LRRC8E: variants seen among roughly 807,000 people sequenced by gnomAD.
The protein encoded by LRRC8E is volume-regulated anion channel subunit LRRC8E.
A neutral mutation model predicts 6.1 loss-of-function variants in LRRC8E; 6 were observed. The ratio of observed to expected loss-of-function variants is 0.98; its 90% CI spans 0.54 to 1.93. LRRC8E has a LOEUF of 1.93. LRRC8E is among the 30% of genes most tolerant of loss of function. LRRC8E has a pLI of 0.01. For missense variants in LRRC8E, 1,028 were observed against 1,031.4 expected, an observed-to-expected ratio of 1.00 and a Z score of 0.04; for synonymous variants, 485 against 472.8, an observed-to-expected ratio of 1.03 and a Z score of -0.33.
Position 7,895,507 on chromosome 19 carries a change from C to T in LRRC8E, c.-5-92C>T, listed in dbSNP as rs772817390. 1.3e-6 allele frequency: 2 copies of T among 1,508,666 alleles called. No individual in the cohort carries two copies. The highest frequency in any genetic ancestry group is 1.8e-6 in the Non-Finnish European group (2 of 1,100,180). 93.5% of individuals were successfully genotyped at this position (1,508,666 alleles called of 1,614,324 possible). ...AAGTTTGGGCAGGGAGGGTCACAGGCCTGCCTGTGTCCGGCTCCTCGGAGG... is the reference window on the plus strand; with the variant it reads ...AAGTTTGGGCAGGGAGGGTCACAGGTCTGCCTGTGTCCGGCTCCTCGGAGG... On this transcript the variant is annotated intron_variant, in intron 1 of 2. Transcript: ENST00000306708. This position sits in a 1 kb window ranked among gnomAD's most constrained non-coding sequence, Gnocchi z 4.7.
intron 1 of LRRC8E, among the ~76,000 whole-genome samples, chr19:7,889,813 G>A (rs1170996432): frequency 4.7e-5 from 7 of 149,332 alleles, no homozygotes; most frequent in Non-Finnish European, 7.4e-5. Context: ...GCAGTGGCAC[G>A]ATCTTGGCTC....
Position 7,899,096 on chromosome 19 carries a change from G to C in LRRC8E, c.574G>C (p.Gly192Arg). Reference protein sequence around the residue: ...RAAATIVAMAGTGPGKAGEGE... With the variant: ...RAAATIVAMARTGPGKAGEGE... ...TGCGGCCACCATAGTGGCCATGGCA[G>C]GGACCGGGCCGGGGAAGGCAGGGGA... is the stretch of plus-strand genomic sequence containing the variant. Residue 192 changes from glycine to arginine, a missense_variant, in exon 3 of 3, where the codon GGG becomes CGG. Coordinates refer to ENST00000306708, the MANE Select transcript of LRRC8E (RefSeq NM_025061.6). The C allele has an allele frequency of 6.2e-7, 1 of 1,612,966 alleles. No homozygotes were observed. Among genetic ancestry groups the C allele is most frequent in the Middle Eastern group, 1.7e-4 (1 of 6,060 alleles).
chr19:7,895,525 C>T lies in LRRC8E; in HGVS notation c.-5-74C>T. 3 of 1,563,120 alleles carry T rather than the reference C, an allele frequency of 1.9e-6. No homozygotes were observed. In the Admixed American group the frequency reaches 5.1e-5, roughly 27 times the overall value. ...TCACAGGCCTGCCTGTGTCCGGCTC[C>T]TCGGAGGACCCCCTGCAGAGCCTCC... On this transcript the variant is annotated intron_variant, in intron 1 of 2. Coordinates refer to ENST00000306708, the MANE Select transcript of LRRC8E (RefSeq NM_025061.6). This position sits in a 1 kb window ranked among gnomAD's most constrained non-coding sequence, Gnocchi z 4.7.
chr19:7,898,957 G>T lies in LRRC8E; in HGVS notation c.435G>T (p.Lys145Asn). Residue 145 changes from lysine to asparagine, a missense_variant, in exon 3 of 3, where the codon AAG (lysine) becomes AAT (asparagine). By Grantham distance (94) the Lys-to-Asn change is moderately conservative (BLOSUM62 0). Coordinates refer to ENST00000306708, the MANE Select transcript of LRRC8E (RefSeq NM_025061.6). ...FWFKFPGTSS[K>N]IEHFISILGK... ...TCAAGTTCCCTGGCACCAGCTCCAA[G>T]ATTGAACACTTCATCTCCATCCTGG... is the stretch of plus-strand genomic sequence containing the variant. The T allele has an allele frequency of 3.1e-6, 5 of 1,614,184 alleles. No individual in the cohort carries two copies. The highest frequency in any genetic ancestry group is 4.2e-6 in the Non-Finnish European group (5 of 1,180,038).
chr19:7,900,368 C>A lies in LRRC8E; in HGVS notation c.1846C>A (p.His616Asn), dbSNP rs770289216. The change falls in exon 3 of 3, where the codon CAC (histidine) becomes AAC (asparagine). Residue 616 changes from histidine to asparagine, a missense_variant. Transcript: ENST00000306708. The surrounding 1 kb of genome is among the most constrained non-coding windows in gnomAD (Gnocchi z 5.0). ...ALQELDLKDNHLRSIEEILSF... is the reference protein window; with the variant it reads ...ALQELDLKDNNLRSIEEILSF... ...GCAGGAACTTGACCTCAAGGACAAC[C>A]ACCTGCGCTCCATCGAGGAAATCCT... The A allele has an allele frequency of 4.3e-6, 7 of 1,612,884 alleles. No homozygotes were observed. The highest frequency in any genetic ancestry group is 4.5e-5 in the East Asian group (2 of 44,882).
chr19:7,899,683 G>A lies in LRRC8E; in HGVS notation c.1161G>A (p.Glu387=). 6.2e-7 allele frequency: 1 copy of A among 1,613,694 alleles called. No individual in the cohort carries two copies. The highest frequency in any genetic ancestry group is 8.5e-7 in the Non-Finnish European group (1 of 1,180,038). Reference sequence around the variant, plus strand: ...AGCGCTTCGCCGTCTTCCTGTCCGAGGTCAGCGAAAGCCGTCTAAAGCAGC... The same window carrying A: ...AGCGCTTCGCCGTCTTCCTGTCCGAAGTCAGCGAAAGCCGTCTAAAGCAGC... ...YSKRFAVFLS[E]VSESRLKQLN... Residue 387 remains glutamate, a synonymous_variant, in exon 3 of 3, where the codon GAG becomes GAA. Transcript: ENST00000306708.
In LRRC8E at chr19:7,899,831, A is replaced by G. The variant is rs762005736; in HGVS notation, c.1309A>G (p.Ser437Gly). 4.4e-6 allele frequency: 7 copies of G among 1,606,616 alleles called. No homozygotes were observed. The South Asian group carries it at 7.7e-5, about 18-fold the overall frequency. ...PGLPDTVFEL[S>G]EVESLRLEAI... ...TCTGCCCGACACCGTCTTTGAGCTC[A>G]GTGAGGTGGAGTCACTCAGGCTGGA... The change falls in exon 3 of 3, where the codon AGT becomes GGT. Residue 437 changes from serine (S) to glycine (G), a missense_variant. By Grantham distance (56) the Ser-to-Gly change is moderately conservative. Coordinates refer to ENST00000306708, the MANE Select transcript of LRRC8E (RefSeq NM_025061.6).
In LRRC8E at chr19:7,898,293, T is replaced by A. The variant is rs1045590200; in HGVS notation, c.139-368T>A. On this transcript the variant is annotated intron_variant, in intron 2 of 2. Coordinates refer to ENST00000306708, the MANE Select transcript of LRRC8E (RefSeq NM_025061.6). ...ACAGCTGGCTGGCAACAGTCAGAGA[T>A]GGGGGGTGCGGGGGGTCTCCCACCT... 3.3e-5 allele frequency among the ~76,000 whole-genome samples: 5 copies of A among 151,358 alleles called. No individual in the cohort carries two copies. In the East Asian group the frequency reaches 9.7e-4, roughly 29 times the overall value.
intron 1 of LRRC8E, among the ~76,000 whole-genome samples, chr19:7,893,116 C>T (rs1032941718): frequency 3.3e-5 from 5 of 152,230 alleles, no homozygotes; most frequent in Admixed American, 6.5e-5. Context: ...AAGCGATCCT[C>T]CTGCCTCAGC....
At chr19:7,892,755 G>T (rs1303741913) in intron 1 of LRRC8E, among the ~76,000 whole-genome samples, 1 of 152,176 alleles carries the variant, frequency 6.6e-6, no homozygotes, top group Non-Finnish European at 1.5e-5. Context: ...AGCTATCCTG[G>T]TATGTTTCTA....
rs1555698430 is a variant in LRRC8E at position 7,899,221 on chromosome 19, C to A, written c.699C>A (p.Ala233=). The change falls in exon 3 of 3, where the codon GCC becomes GCA. Residue 233 remains alanine (A), a synonymous_variant. Transcript: ENST00000306708. ...LDKKEGEQAK[A]LFEKVKKFRM... ...AGAAGGAGGGTGAGCAAGCCAAAGC[C>A]CTGTTTGAGAAGGTGAAGAAGTTCC... is the stretch of plus-strand genomic sequence containing the variant. 6.2e-7 allele frequency: 1 copy of A among 1,614,024 alleles called. No individual in the cohort carries two copies. Among genetic ancestry groups the A allele is most frequent in the Admixed American group, 1.7e-5 (1 of 59,992 alleles).
At position 7,898,929 on chromosome 19, in the gene LRRC8E, G is replaced by C; in HGVS notation, c.407G>C (p.Trp136Ser). Residue 136 changes from tryptophan to serine, a missense_variant, in exon 3 of 3, where the codon TGG becomes TCG. By Grantham distance (177) the Trp-to-Ser change is radical. Coordinates refer to ENST00000306708, the MANE Select transcript of LRRC8E (RefSeq NM_025061.6). ...TLIFMVCTSF[W>S]FKFPGTSSKI... ...ATCTTCATGGTCTGCACCAGTTTCT[G>C]GTTCAAGTTCCCTGGCACCAGCTCC... 1 of 1,614,190 alleles carries C rather than the reference G, an allele frequency of 6.2e-7. No homozygotes were observed. Among genetic ancestry groups the C allele is most frequent in the African/African-American group, 1.3e-5 (1 of 75,034 alleles).
In LRRC8E at chr19:7,900,330, G is replaced by C; in HGVS notation, c.1808G>C (p.Ser603Thr). Reference protein sequence around the residue: ...GLERIPHAVFSLGALQELDLK... With the variant: ...GLERIPHAVFTLGALQELDLK... ...GAGCGCATCCCCCATGCAGTGTTCA[G>C]CCTGGGTGCGCTGCAGGAACTTGAC... is the stretch of plus-strand genomic sequence containing the variant. The change falls in exon 3 of 3, where the codon AGC becomes ACC. Residue 603 changes from serine (S) to threonine (T), a missense_variant. Transcript: ENST00000306708. The surrounding 1 kb of genome is among the most constrained non-coding windows in gnomAD (Gnocchi z 5.0). 3 of 1,613,250 alleles carry C rather than the reference G, an allele frequency of 1.9e-6. No homozygotes were observed. The highest frequency in any genetic ancestry group is 2.5e-6 in the Non-Finnish European group (3 of 1,179,996).
Position 7,895,503 on chromosome 19 carries a change from C to T in LRRC8E, c.-5-96C>T, listed in dbSNP as rs1981529716. 2 of 1,493,562 alleles carry T rather than the reference C, an allele frequency of 1.3e-6. No individual in the cohort carries two copies. The highest frequency in any genetic ancestry group is 2.3e-5 in the East Asian group (1 of 43,492). 92.5% of individuals were successfully genotyped at this position (1,493,562 alleles called of 1,614,324 possible). On this transcript the variant is annotated intron_variant, in intron 1 of 2. Coordinates refer to ENST00000306708, the MANE Select transcript of LRRC8E (RefSeq NM_025061.6). This position sits in a 1 kb window ranked among gnomAD's most constrained non-coding sequence, Gnocchi z 4.7. ...GGACAAGTTTGGGCAGGGAGGGTCA[C>T]AGGCCTGCCTGTGTCCGGCTCCTCG...
chr19:7,898,984 C>G lies in LRRC8E; in HGVS notation c.462C>G (p.Gly154=). ...TTGAACACTTCATCTCCATCCTGGG[C>G]AAGTGTTTCGACTCTCCATGGACCA... ...SKIEHFISIL[G]KCFDSPWTTR... is the part of the protein sequence containing the mutation. Residue 154 remains glycine (G), a synonymous_variant, in exon 3 of 3, where the codon GGC becomes GGG. Coordinates refer to ENST00000306708, the MANE Select transcript of LRRC8E (RefSeq NM_025061.6). 6.2e-7 allele frequency: 1 copy of G among 1,614,104 alleles called. No individual in the cohort carries two copies. The highest frequency in any genetic ancestry group is 1.3e-5 in the African/African-American group (1 of 75,052).
Position 7,899,302 on chromosome 19 carries a change from G to T in LRRC8E, c.780G>T (p.Val260=). ...ACACCATGTACATCCGACAGACGGTGCTGAAAGTGTGTAAGTTCCTGGCCA... is the reference window on the plus strand; with the variant it reads ...ACACCATGTACATCCGACAGACGGTTCTGAAAGTGTGTAAGTTCCTGGCCA... ...ILYTMYIRQT[V]LKVCKFLAIL... Residue 260 remains valine, a synonymous_variant, in exon 3 of 3, where the codon GTG becomes GTT. Transcript: ENST00000306708. 1 of 1,614,240 alleles carries T rather than the reference G, an allele frequency of 6.2e-7. No individual in the cohort carries two copies. Among genetic ancestry groups the T allele is most frequent in the Non-Finnish European group, 8.5e-7 (1 of 1,180,048 alleles).
intron 1 of LRRC8E, among the ~76,000 whole-genome samples, chr19:7,889,311 G>T (rs1191293039): frequency 6.6e-6 from 1 of 152,040 alleles, no homozygotes; most frequent in Non-Finnish European, 1.5e-5. Flanking sequence ...AATTAGTGGC[G>T]TGTCCCTGTA....
At chr19:7,890,200 G>A (rs187730339) in intron 1 of LRRC8E, among the ~76,000 whole-genome samples, 1 of 152,256 alleles carries the variant, frequency 6.6e-6, no homozygotes, top group Admixed American at 6.5e-5. Context: ...CCCCCAGCAG[G>A]AACTCATCAC....
chr19:7,890,058 A>G (rs551731104), intron 1 of LRRC8E, among the ~76,000 whole-genome samples: 5 of 98,146 alleles, frequency 5.1e-5, no homozygotes, highest in South Asian at 2.5e-4. Context: ...CTCTATGTCT[A>G]AAAAAAAAAA....
Sources: allele counts gnomAD v4.1 joint callset (sites outside exome capture counted in the v4.1 genomes callset), GRCh38; gene constraint gnomAD v4.1.1; non-coding constraint Gnocchi (gnomAD v3.1); transcripts MANE v1.5; gene names NCBI Gene and HGNC (gene_info 2026-07-23, HGNC 2026-07-21).